The following RPUSD4 variants were observed in gnomAD, a reference collection of about 807,000 sequenced individuals.
The protein encoded by RPUSD4 is pseudouridylate synthase RPUSD4, mitochondrial.
Under a neutral mutation model 35.4 loss-of-function variants are expected in RPUSD4, and 37 were observed. The observed-to-expected ratio is 1.04, with a 90% CI of 0.80 to 1.37. The LOEUF is 1.37. Ranked by LOEUF, RPUSD4 falls within the 40% of genes most tolerant of loss-of-function variation. The pLI, the probability that RPUSD4 is intolerant of heterozygous loss-of-function variation, is 0.00. For missense variants in RPUSD4, 507 were observed against 484.9 expected (o/e 1.05, Z -0.43); for synonymous variants, 210 against 192.7 (o/e 1.09, Z -0.74).
rs1949727874 is a variant in RPUSD4 at position 126,202,908 on chromosome 11, C to T, written c.*510G>A. The T allele has an allele frequency of 6.2e-6, 1 of 162,448 alleles. No individual in the cohort carries two copies. The highest frequency in any genetic ancestry group is 1.4e-5 in the Non-Finnish European group (1 of 73,608). The allele number at this position is 162,448 out of a possible 1,614,324, so 10.1% of individuals were successfully genotyped here. The stretch of plus-strand genomic sequence containing the variant: ...TCCCACCTCAACCTCACACTCAATA[C>T]CCTTATACAGGTTCCCTAATCAGAG... On this transcript the variant is annotated 3_prime_UTR_variant, in exon 7 of 7. Transcript: ENST00000298317.
chr11:126,205,984 C>A, intron 3 of RPUSD4: 1 of 439,992 alleles, frequency 2.3e-6, no homozygotes, highest in Non-Finnish European at 4.0e-6. Context: ...CTACTAAAGT[C>A]ATACATGCTA....
intron 6 of RPUSD4, 138 bp downstream of exon 6, chr11:126,204,093 T>TA: frequency 2.7e-6 from 2 of 729,248 alleles, no homozygotes; most frequent in Non-Finnish European, 4.7e-6. Context: ...TAAATTTCTC[T>TA]AAAATCAAGA....
At position 126,205,520 on chromosome 11, in the gene RPUSD4, C is replaced by A; in HGVS notation, c.744G>T (p.Gln248His). ...RNAQVAVTQY[Q>H]VLSSTLSSAL... The stretch of plus-strand genomic sequence containing the variant: ...CGGAGGAGAGAGTGCTGCTGAGCAC[C>A]TGGTACTGAGTTACAGCAACTTGCG... The change falls in exon 5 of 7, where the codon CAG (glutamine) becomes CAT (histidine). Residue 248 changes from glutamine to histidine, a missense_variant. Transcript: ENST00000298317. 1 of 1,614,278 alleles carries A rather than the reference C, an allele frequency of 6.2e-7. No homozygotes were observed. The highest frequency in any genetic ancestry group is 8.5e-7 in the Non-Finnish European group (1 of 1,180,048).
At chr11:126,210,099 T>C (rs1949827505) in intron 2 of RPUSD4, among the ~76,000 whole-genome samples, 1 of 152,224 alleles carries the variant, frequency 6.6e-6, no homozygotes, top group Non-Finnish European at 1.5e-5. Flanking sequence ...TAGACATTCC[T>C]GGGGTTCTAC....
Position 126,209,622 on chromosome 11 carries a change from C to T in RPUSD4, c.456G>A (p.Leu152=). The change falls in exon 3 of 7, where the codon CTG becomes CTA. Residue 152 remains leucine, a synonymous_variant. Coordinates refer to ENST00000298317, the MANE Select transcript of RPUSD4 (RefSeq NM_032795.3). ...KAEPLHLCHR[L]DKETTGVMVL... The stretch of plus-strand genomic sequence containing the variant: ...CCATTACACCTGTGGTTTCCTTGTC[C>T]AGCCGGTGGCACAGATGCAAGGGCT... The T allele has an allele frequency of 6.2e-7, 1 of 1,614,194 alleles. No homozygotes were observed. The highest frequency in any genetic ancestry group is 8.5e-7 in the Non-Finnish European group (1 of 1,180,044).
chr11:126,209,613 T>G lies in RPUSD4; in HGVS notation c.465A>C (p.Glu155Asp), dbSNP rs34809853. Residue 155 changes from glutamate to aspartate, a missense_variant, in exon 3 of 7, where the codon GAA (glutamate) becomes GAC (aspartate). Glu to Asp is a conservative substitution (Grantham distance 45). Transcript: ENST00000298317. ...AAGCCAACACCATTACACCTGTGGT[T>G]TCCTTGTCCAGCCGGTGGCACAGAT... Reference protein sequence around the residue: ...PLHLCHRLDKETTGVMVLAWD... With the variant: ...PLHLCHRLDKDTTGVMVLAWD... The G allele has an allele frequency of 3.1e-3, 4,967 of 1,614,202 alleles. 117 individuals carry two copies. The African/African-American group carries it at 0.052, about 17-fold the overall frequency.
chr11:126,210,980 T>G lies in RPUSD4; in HGVS notation c.265A>C (p.Asn89His). 1 of 1,614,146 alleles carries G rather than the reference T, an allele frequency of 6.2e-7. No individual in the cohort carries two copies. Among genetic ancestry groups the G allele is most frequent in the South Asian group, 1.1e-5 (1 of 91,084 alleles). ...CGGGTCAGTGCCTTAGCAAGCACGT[T>G]GGGGTGGACTCGCTGCAGCTGCCGT... ...FTRQLQRVHP[N>H]VLAKALTRGI... The change falls in exon 2 of 7, where the codon AAC becomes CAC. Residue 89 changes from asparagine to histidine, a missense_variant. By Grantham distance (68) the Asn-to-His change is moderately conservative. Coordinates refer to ENST00000298317, the MANE Select transcript of RPUSD4 (RefSeq NM_032795.3).
chr11:126,204,203 G>A lies in RPUSD4; in HGVS notation c.894+28C>T, dbSNP rs551601291. On this transcript the variant is annotated intron_variant, in intron 6 of 6. Coordinates refer to ENST00000298317, the MANE Select transcript of RPUSD4 (RefSeq NM_032795.3). ...AACGCCTAAGTTCTCTCCCGTATCT[G>A]CTGCACATTGGGTCAAATTAGTATT... The A allele has an allele frequency of 1.1e-4, 161 of 1,484,010 alleles. 4 individuals carry two copies. In the South Asian group the frequency reaches 1.6e-3, roughly 14 times the overall value. 91.9% of individuals were successfully genotyped at this position (1,484,010 alleles called of 1,614,324 possible). A position where few individuals can be genotyped will look rare whatever the true frequency, so the allele number is the denominator to read the frequency against.
rs375450445 is a variant in RPUSD4, at chr11:126,206,862, A to G, written c.558-1081T>C. On this transcript the variant is annotated intron_variant, in intron 3 of 6. Transcript: ENST00000298317. ...TGGTACATTTTATCGTATTTTACAG[A>G]TTTTGTAGATCTTCTGTGACAAGAA... is the stretch of plus-strand genomic sequence containing the variant. 1.9e-3 allele frequency among the ~76,000 whole-genome samples: 283 copies of G among 152,262 alleles called. 15 individuals carry two copies. In the South Asian group the frequency reaches 0.052, roughly 28 times the overall value.
At chr11:126,210,805 G>T in intron 2 of RPUSD4, 85 bp downstream of exon 2, 1 of 1,357,412 alleles carries the variant, frequency 7.4e-7, no homozygotes, top group Non-Finnish European at 1.0e-6. Context: ...AGGCTTTAGA[G>T]TGCACCACAA....
rs1425818981 is a variant in RPUSD4, at chr11:126,211,445, C to T, written c.189+5G>A. On this transcript the variant is annotated splice_donor_5th_base_variant and intron_variant, in intron 1 of 6. Coordinates refer to ENST00000298317, the MANE Select transcript of RPUSD4 (RefSeq NM_032795.3). ...TCTAGGGAGTTCTGGTCCCTTTGGA[C>T]TCACCGGCTCCTTCTTTGTGTCTTG... 1 of 1,609,828 alleles carries T rather than the reference C, an allele frequency of 6.2e-7. No homozygotes were observed. The highest frequency in any genetic ancestry group is 1.3e-5 in the African/African-American group (1 of 74,732).
chr11:126,205,379 C>A, intron 5 of RPUSD4, 89 bp downstream of exon 5: 1 of 1,510,734 alleles, frequency 6.6e-7, no homozygotes, highest in Non-Finnish European at 9.1e-7. Flanking sequence ...ACAAGTCAGC[C>A]ACACTACTAG....
intron 2 of RPUSD4, among the ~76,000 whole-genome samples, chr11:126,210,535 ACACACACACACACACC>A (rs1427677465): frequency 6.7e-6 from 1 of 148,272 alleles, no homozygotes; most frequent in Non-Finnish European, 1.5e-5. Context: ...ACACACACAC[ACACACACACACACACC>A]CCCTTTTTTC....
chr11:126,209,386 T>G (rs988301495), intron 3 of RPUSD4, 135 bp downstream of exon 3: 2 of 716,282 alleles, frequency 2.8e-6, no homozygotes, highest in Non-Finnish European at 4.7e-6. Flanking sequence ...CAAAGCTGTT[T>G]CACATATTTT....
In RPUSD4 at chr11:126,209,591, C is replaced by T. The variant is rs1406289497; in HGVS notation, c.487G>A (p.Ala163Thr). ...TGATGTGCCATGTCCTTGTCCCAAG[C>T]CAACACCATTACACCTGTGGTTTCC... ...DKETTGVMVL[A>T]WDKDMAHQVQ... The change falls in exon 3 of 7, where the codon GCT becomes ACT. Residue 163 changes from alanine to threonine, a missense_variant. By Grantham distance (58) the Ala-to-Thr change is moderately conservative. Transcript: ENST00000298317. 3 of 1,614,252 alleles carry T rather than the reference C, an allele frequency of 1.9e-6. No homozygotes were observed. The highest frequency in any genetic ancestry group is 2.5e-6 in the Non-Finnish European group (3 of 1,180,048).
intron 5 of RPUSD4, among the ~76,000 whole-genome samples, chr11:126,204,898 C>A (rs550760685): frequency 1.3e-5 from 2 of 152,330 alleles, no homozygotes. Context: ...TACTTTCTGT[C>A]TCTATACATC....
chr11:126,210,520 T>TACACACACATACACAC, intron 2 of RPUSD4, among the ~76,000 whole-genome samples: 1 of 60,300 alleles, frequency 1.7e-5, no homozygotes, highest in South Asian at 6.3e-4. Context: ...CCAACATACA[T>TACACACACATACACAC]ACACACACAC....
Position 126,203,399 on chromosome 11 carries a change from C to G in RPUSD4, c.*19G>C. On this transcript the variant is annotated 3_prime_UTR_variant, in exon 7 of 7. Coordinates refer to ENST00000298317, the MANE Select transcript of RPUSD4 (RefSeq NM_032795.3). Reference sequence around the variant, plus strand: ...GGGTCTTCACTGTGCTCCCAGGTGCCAGGGTGCTCCCATGGTCTTCACTGT... The same window carrying G: ...GGGTCTTCACTGTGCTCCCAGGTGCGAGGGTGCTCCCATGGTCTTCACTGT... The G allele has an allele frequency of 6.2e-7, 1 of 1,606,362 alleles. No individual in the cohort carries two copies. Among genetic ancestry groups the G allele is most frequent in the African/African-American group, 1.4e-5 (1 of 73,656 alleles).
chr11:126,203,129 G>C lies in RPUSD4; in HGVS notation c.*289C>G, dbSNP rs900646429. 2.8e-6 allele frequency: 1 copy of C among 355,360 alleles called. No individual in the cohort carries two copies. Among genetic ancestry groups the C allele is most frequent in the African/African-American group, 2.1e-5 (1 of 48,706 alleles). The allele number at this position is 355,360 out of a possible 1,614,324, so 22.0% of individuals were successfully genotyped here. On this transcript the variant is annotated 3_prime_UTR_variant, in exon 7 of 7. Coordinates refer to ENST00000298317, the MANE Select transcript of RPUSD4 (RefSeq NM_032795.3). ...ACTGCCCCAGTCTGCCTGGCCCTGG[G>C]CTCTGTTCCATATTGGCAATGAGAG...
Sources: gnomAD v4.1 joint callset for allele counts (sites outside exome capture counted in the v4.1 genomes callset) on GRCh38, gnomAD v4.1.1 for gene constraint, MANE v1.5 for transcripts, NCBI Gene and HGNC (gene_info 2026-07-23, HGNC 2026-07-21) for gene names.